The following AOAH variants were observed in gnomAD, a reference collection of about 807,000 sequenced individuals.
AOAH encodes acyloxyacyl hydrolase.
In AOAH, 64 loss-of-function variants were observed where a neutral mutation model predicts 92.2. The ratio of observed to expected loss-of-function variants is 0.69; its 90% CI spans 0.57 to 0.86. The LOEUF is 0.86. AOAH is among the 40% of genes least tolerant of loss of function. The pLI is 0.00. For synonymous variants in AOAH, 263 were observed against 254.5 expected (o/e 1.03, Z -0.32); for missense variants, 656 against 694.6 (o/e 0.94, Z 0.62).
At chr7:36,683,161 T>C (rs1796750587) in intron 2 of AOAH, among the ~76,000 whole-genome samples, 1 of 152,208 alleles carries the variant, frequency 6.6e-6, no homozygotes, top group South Asian at 2.1e-4. Context: ...ATATTTAAGA[T>C]GCTCAGGGAA....
chr7:36,524,174 T>C (rs747416250), intron 19 of AOAH, among the ~76,000 whole-genome samples: 1 of 152,148 alleles, frequency 6.6e-6, no homozygotes, highest in East Asian at 1.9e-4. Context: ...CACCTTATGT[T>C]GTACAGATGC....
intron 1 of AOAH, among the ~76,000 whole-genome samples, chr7:36,700,585 A>G (rs570479182): frequency 5.3e-5 from 8 of 152,242 alleles, no homozygotes; most frequent in Admixed American, 2.6e-4. Context: ...TGATCCATTG[A>G]TGGACACTTA....
intron 4 of AOAH, among the ~76,000 whole-genome samples, chr7:36,658,805 G>A (rs1262045255): frequency 2.0e-5 from 3 of 152,162 alleles, no homozygotes. Flanking sequence ...AGTGCTCATG[G>A]CAGGAAAGTC....
At chr7:36,625,026 A>G (rs2727824) in intron 6 of AOAH, among the ~76,000 whole-genome samples, 82,388 of 151,678 alleles carry the variant, frequency 0.54, 22,643 homozygotes, top group African/African-American at 0.6. Context: ...TGAGAGGAGG[A>G]CCCTGGGATG....
chr7:36,558,365 C>A (rs1562567501), intron 13 of AOAH, among the ~76,000 whole-genome samples: 1 of 152,108 alleles, frequency 6.6e-6, no homozygotes, highest in Non-Finnish European at 1.5e-5. Flanking sequence ...CAGAGGAGTA[C>A]CCGGCCGTGT....
At chr7:36,556,647 G>A (rs28868071) in intron 13 of AOAH, among the ~76,000 whole-genome samples, 2,622 of 144,828 alleles carry the variant, frequency 0.018, 20 homozygotes, top group Non-Finnish European at 0.027. Context: ...CTCAGGACTT[G>A]CTTTATGAAT....
At chr7:36,632,672 A>T (rs1583990545) in intron 5 of AOAH, among the ~76,000 whole-genome samples, 1 of 152,160 alleles carries the variant, frequency 6.6e-6, no homozygotes, top group African/African-American at 2.4e-5. Context: ...TTTTAGAAAC[A>T]TTGCAGTTTC....
At position 36,548,637 on chromosome 7, in the gene AOAH, T is replaced by G. The variant is rs781200360; in HGVS notation, c.1108A>C (p.Met370Leu). 6 of 1,613,684 alleles carry G rather than the reference T, an allele frequency of 3.7e-6. No homozygotes were observed. Among genetic ancestry groups the G allele is most frequent in the Non-Finnish European group, 8.5e-7 (1 of 1,179,782 alleles). ...LDYPAIVIYA[M>L]IGNDVCSGKS... ...CCACTGCAGACATCATTTCCAATCA[T>G]GGCATATATAACGATGGCGGGATAG... Residue 370 changes from methionine (M) to leucine (L), a missense_variant, in exon 15 of 21, where the codon ATG becomes CTG. By Grantham distance (15) the Met-to-Leu change is conservative. Transcript: ENST00000617537.
At chr7:36,521,559 A>G (rs1784108359) in intron 20 of AOAH, among the ~76,000 whole-genome samples, 1 of 152,176 alleles carries the variant, frequency 6.6e-6, no homozygotes, top group African/African-American at 2.4e-5. Context: ...TTACTGCAGG[A>G]TACTGCTAAG....
intron 13 of AOAH, among the ~76,000 whole-genome samples, chr7:36,566,835 C>T (rs1007441347): frequency 5.9e-5 from 9 of 152,120 alleles, no homozygotes; most frequent in Non-Finnish European, 1.3e-4. Context: ...CGCAGAGCCC[C>T]CTCTCAAGGG....
In AOAH at chr7:36,577,867, C is replaced by T. The variant is rs1022933355; in HGVS notation, c.939-1211G>A. 3.9e-5 allele frequency among the ~76,000 whole-genome samples: 6 copies of T among 152,158 alleles called. No individual in the cohort carries two copies. In the South Asian group the frequency reaches 6.2e-4, roughly 16 times the overall value. On this transcript the variant is annotated intron_variant, in intron 12 of 20. Transcript: ENST00000617537. The stretch of plus-strand genomic sequence containing the variant: ...TCTTTTCATTATAATAAGTTCACAT[C>T]TCACAACCTTACATACAATCACCAA...
At chr7:36,644,406 T>C (rs1287929423) in intron 4 of AOAH, among the ~76,000 whole-genome samples, 2 of 152,170 alleles carry the variant, frequency 1.3e-5, no homozygotes, top group Non-Finnish European at 2.9e-5. Flanking sequence ...ACACCATGCA[T>C]TCGTGTATTC....
chr7:36,673,887 T>A, intron 3 of AOAH, 56 bp downstream of exon 3: 8 of 1,299,884 alleles, frequency 6.2e-6, no homozygotes, highest in Non-Finnish European at 7.7e-6. Context: ...CCCAGTTTTC[T>A]TGTTCCTCCC....
chr7:36,584,500 C>T (rs1204232982), intron 12 of AOAH, among the ~76,000 whole-genome samples: 2 of 152,038 alleles, frequency 1.3e-5, no homozygotes, highest in Non-Finnish European at 2.9e-5. Flanking sequence ...AAATTCACTT[C>T]TTAGCAAATC....
At chr7:36,662,773 G>A (rs1795296289) in intron 3 of AOAH, among the ~76,000 whole-genome samples, 1 of 152,196 alleles carries the variant, frequency 6.6e-6, no homozygotes, top group African/African-American at 2.4e-5. Context: ...GAGTGGAGAT[G>A]TGGACCACTC....
chr7:36,625,521 CCGAAAGAGG>C (rs1360570539), intron 6 of AOAH, among the ~76,000 whole-genome samples: 1 of 152,152 alleles, frequency 6.6e-6, no homozygotes, highest in Non-Finnish European at 1.5e-5. Flanking sequence ...TGCCTGCTGT[CCGAAAGAGG>C]AAATTCACCT....
chr7:36,625,568 T>C (rs775033338), intron 6 of AOAH, among the ~76,000 whole-genome samples: 1 of 152,126 alleles, frequency 6.6e-6, no homozygotes, highest in Non-Finnish European at 1.5e-5. Flanking sequence ...TGGGGTGGGT[T>C]GAACAAGGCC....
At chr7:36,550,815 T>G (rs1380993642) in intron 13 of AOAH, among the ~76,000 whole-genome samples, 1 of 152,148 alleles carries the variant, frequency 6.6e-6, no homozygotes, top group Non-Finnish European at 1.5e-5. Flanking sequence ...TGGGGATAAG[T>G]GCATTTTACC....
intron 3 of AOAH, among the ~76,000 whole-genome samples, chr7:36,660,697 C>CT (rs1414371415): frequency 6.6e-6 from 1 of 152,180 alleles, no homozygotes; most frequent in Non-Finnish European, 1.5e-5. Flanking sequence ...AAGGACAGTT[C>CT]TTTTAAAACA....
Sources: gnomAD v4.1 joint callset for allele counts (sites outside exome capture counted in the v4.1 genomes callset) on GRCh38, gnomAD v4.1.1 for gene constraint, MANE v1.5 for transcripts, NCBI Gene and HGNC (gene_info 2026-07-23, HGNC 2026-07-21) for gene names.